The following LRCH1 variants were observed in gnomAD, a reference collection of about 807,000 sequenced individuals.
LRCH1 encodes leucine rich repeats and calponin homology domain containing 1.
In LRCH1, 23 loss-of-function variants were observed where a neutral mutation model predicts 94.9. The observed-to-expected ratio is 0.24, with a 90% CI of 0.17 to 0.34. LRCH1 has a LOEUF of 0.34. LRCH1 is among the 10% of genes least tolerant of loss of function. The pLI is 1.00. For missense variants in LRCH1, 790 were observed against 945.9 expected (o/e 0.84, Z 2.16); for synonymous variants, 364 against 354.9 (o/e 1.03, Z -0.29).
chr13:46,692,671 T>C (rs1870964147), intron 8 of LRCH1, 30 bp downstream of exon 8: 1 of 1,542,778 alleles, frequency 6.5e-7, no homozygotes, highest in African/African-American at 1.4e-5. Context: ...GAGAAAGTGC[T>C]TGTTTTTCAG....
chr13:46,750,358 C>A (rs1367216516), intron 18 of LRCH1, among the ~76,000 whole-genome samples: 3 of 152,074 alleles, frequency 2.0e-5, no homozygotes, highest in Non-Finnish European at 4.4e-5. Flanking sequence ...TCATTATTTT[C>A]TCTGCAAACA....
chr13:46,599,911 C>T (rs778817872), intron 1 of LRCH1, among the ~76,000 whole-genome samples: 3 of 152,238 alleles, frequency 2.0e-5, no homozygotes, highest in Non-Finnish European at 4.4e-5. Context: ...TAGCCCTCTC[C>T]TGTGTTAACT....
At chr13:46,657,495 CTTTTCTTTTTTTTTTTTTTTT>C (rs2051387166) in intron 2 of LRCH1, among the ~76,000 whole-genome samples, 8 of 16,822 alleles carry the variant, frequency 4.8e-4, no homozygotes, top group Non-Finnish European at 9.4e-4. Flanking sequence ...TTTTTCTTTT[CTTTTCTTTTTTTTTTTTTTTT>C]TTTTTTTTTT....
intron 5 of LRCH1, among the ~76,000 whole-genome samples, chr13:46,686,506 A>G (rs1870623799): frequency 6.6e-6 from 1 of 152,146 alleles, no homozygotes; most frequent in Non-Finnish European, 1.5e-5. Flanking sequence ...AGAAAGGCCG[A>G]GGGAAAGTTC....
intron 6 of LRCH1, among the ~76,000 whole-genome samples, chr13:46,688,308 A>C (rs1215926707): frequency 6.6e-6 from 1 of 152,224 alleles, no homozygotes; most frequent in Non-Finnish European, 1.5e-5. Flanking sequence ...AATATTTTTT[A>C]CTTATCAAAA....
intron 4 of LRCH1, among the ~76,000 whole-genome samples, chr13:46,682,079 G>C (rs917612530): frequency 6.6e-6 from 1 of 152,148 alleles, no homozygotes; most frequent in African/African-American, 2.4e-5. Flanking sequence ...AGGTAATGCT[G>C]TGGGGCACGG....
At chr13:46,657,366 C>T (rs1183842939) in intron 2 of LRCH1, among the ~76,000 whole-genome samples, 3 of 138,068 alleles carry the variant, frequency 2.2e-5, no homozygotes, top group Non-Finnish European at 4.6e-5. Context: ...AGTCCTATAA[C>T]AAGTGCTGTA....
rs2051752947 is a variant in LRCH1, at chr13:46,681,718, TTCTC to T, written c.580-17_580-14del. ...TTTCCTGGAAAAAGATGTTTATTAT[TTCTC>T]TCTCTGCTTTTGATACAGGATGTCA... On this transcript the variant is annotated intron_variant, in intron 3 of 19. Coordinates refer to ENST00000389797, the MANE Select transcript of LRCH1 (RefSeq NM_001164211.2). 1 of 1,500,028 alleles carries T rather than the reference TTCTC, an allele frequency of 6.7e-7. No individual in the cohort carries two copies. Among genetic ancestry groups the T allele is most frequent in the Non-Finnish European group, 9.3e-7 (1 of 1,076,356 alleles). 92.9% of individuals were successfully genotyped at this position (1,500,028 alleles called of 1,614,324 possible). A position where few individuals can be genotyped will look rare whatever the true frequency, so the allele number is the denominator to read the frequency against.
Position 46,741,899 on chromosome 13 carries a change from G to A in LRCH1, c.*51G>A. ...TGCTCTGTCGCCCTCAACCTTTGCA[G>A]GGTCCTTCCTACCTTTGAGCCTTTG... On this transcript the variant is annotated 3_prime_UTR_variant, in exon 20 of 20. Transcript: ENST00000389797. 6.2e-7 allele frequency: 1 copy of A among 1,609,404 alleles called. No homozygotes were observed. Among genetic ancestry groups the A allele is most frequent in the Non-Finnish European group, 8.5e-7 (1 of 1,177,606 alleles).
chr13:46,668,163 G>A (rs746997284), intron 2 of LRCH1, among the ~76,000 whole-genome samples: 1 of 152,144 alleles, frequency 6.6e-6, no homozygotes, highest in Non-Finnish European at 1.5e-5. Flanking sequence ...TTTTGTGGGG[G>A]AGGAGATTGA....
At chr13:46,581,817 C>T (rs887198507) in intron 1 of LRCH1, among the ~76,000 whole-genome samples, 2 of 152,182 alleles carry the variant, frequency 1.3e-5, no homozygotes, top group African/African-American at 2.4e-5. Flanking sequence ...CCCACATGCT[C>T]CTGTTTCTTT....
intron 3 of LRCH1, among the ~76,000 whole-genome samples, chr13:46,673,131 CT>C (rs1439539237): frequency 6.6e-6 from 1 of 151,880 alleles, no homozygotes; most frequent in African/African-American, 2.4e-5. Flanking sequence ...ATTTTAGGTG[CT>C]TTTTTTTCAT....
chr13:46,558,860 G>C (rs1252388545), intron 1 of LRCH1, among the ~76,000 whole-genome samples: 1 of 152,180 alleles, frequency 6.6e-6, no homozygotes, highest in Non-Finnish European at 1.5e-5. Flanking sequence ...ATGGAGTAAA[G>C]GCTACAGGGC....
intron 1 of LRCH1, among the ~76,000 whole-genome samples, chr13:46,607,003 T>C (rs1170469778): frequency 1.3e-5 from 2 of 151,982 alleles, no homozygotes; most frequent in African/African-American, 4.8e-5. Context: ...GCCAGAGCCT[T>C]TACTGGGTTT....
At position 46,623,987 on chromosome 13, in the gene LRCH1, G is replaced by A. The variant is rs370116732; in HGVS notation, c.308-26214G>A. Among the ~76,000 whole-genome samples the A allele has an allele frequency of 3.8e-3, 569 of 151,582 alleles. 5 individuals carry two copies. The highest frequency in any genetic ancestry group is 0.02 in the South Asian group (98 of 4,786). ...CAGCCTCAAACTCCTGGGCTCAATC[G>A]ATCCTCCCGCCTCAGCCTCCTGAGC... On this transcript the variant is annotated intron_variant, in intron 1 of 19. Transcript: ENST00000389797.
chr13:46,576,844 G>C (rs1566152865), intron 1 of LRCH1, among the ~76,000 whole-genome samples: 1 of 152,160 alleles, frequency 6.6e-6, no homozygotes. Context: ...GCACATTTAT[G>C]ATGGCACAGT....
intron 1 of LRCH1, among the ~76,000 whole-genome samples, chr13:46,585,121 A>G (rs901360425): frequency 2.0e-5 from 3 of 152,242 alleles, no homozygotes; most frequent in African/African-American, 7.2e-5. Context: ...TCCAGCTTTG[A>G]AAATGAACAG....
chr13:46,701,291 C>A (rs944313426), intron 11 of LRCH1, 84 bp downstream of exon 11: 14 of 957,880 alleles, frequency 1.5e-5, no homozygotes, highest in Non-Finnish European at 2.1e-5. Flanking sequence ...TCCTAAAATA[C>A]CTACACAGAC....
At chr13:46,621,453 C>T (rs531038714) in intron 1 of LRCH1, among the ~76,000 whole-genome samples, 32 of 152,212 alleles carry the variant, frequency 2.1e-4, no homozygotes, top group Admixed American at 3.3e-4. Flanking sequence ...TCTGGGGCAG[C>T]AGAAAACAAG....
Sources: gnomAD v4.1 joint callset for allele counts (sites outside exome capture counted in the v4.1 genomes callset) on GRCh38, gnomAD v4.1.1 for gene constraint, MANE v1.5 for transcripts, NCBI Gene and HGNC (gene_info 2026-07-23, HGNC 2026-07-21) for gene names.